The following SEC63 variants were observed in gnomAD, a reference collection of about 807,000 sequenced individuals.
The protein encoded by SEC63 is SEC63 protein translocation regulator.
In SEC63, 56 loss-of-function variants were observed where a neutral mutation model predicts 116.2. The ratio of observed to expected loss-of-function variants is 0.48; its 90% confidence interval spans 0.39 to 0.60. The LOEUF is 0.60. SEC63 is among the 20% of genes least tolerant of loss of function. SEC63 has a pLI of 0.00. For synonymous variants in SEC63, 273 were observed against 294.6 expected, an observed-to-expected ratio of 0.93 and a Z score of 0.75; for missense variants, 668 against 900.0, an observed-to-expected ratio of 0.74 and a Z score of 3.30.
At chr6:107,913,474 A>C in intron 4 of SEC63, 47 bp from the exon 5 acceptor site, 1 of 1,353,522 alleles carries the variant, frequency 7.4e-7, no homozygotes, top group South Asian at 1.2e-5. Flanking sequence ...CCACATCTGA[A>C]AAACAAGTAC....
chr6:107,911,018 G>A, intron 7 of SEC63: 1 of 261,282 alleles, frequency 3.8e-6, no homozygotes, highest in South Asian at 5.2e-5. Context: ...GTCAGTTGTG[G>A]GTAATTTTTG....
chr6:107,884,114 C>A (rs1182695746), intron 16 of SEC63, among the ~76,000 whole-genome samples: 4 of 150,798 alleles, frequency 2.7e-5, no homozygotes, highest in East Asian at 2.0e-4. Flanking sequence ...AACAAACAAA[C>A]AAAAAAATAG....
At chr6:107,932,390 A>AG (rs1279825259) in intron 1 of SEC63, 2 of 152,236 alleles carry the variant, frequency 1.3e-5, no homozygotes, top group Non-Finnish European at 2.9e-5. Context: ...CCAGGTAAGA[A>AG]GTCCAACTAC....
chr6:107,936,545 T>A (rs368027294), intron 1 of SEC63, among the ~76,000 whole-genome samples: 1 of 152,220 alleles, frequency 6.6e-6, no homozygotes, highest in Admixed American at 6.5e-5. Context: ...TAACTTGTAT[T>A]TTTTTAAAGA....
At chr6:107,924,000 C>T (rs1787614057) in intron 3 of SEC63, among the ~76,000 whole-genome samples, 1 of 152,194 alleles carries the variant, frequency 6.6e-6, no homozygotes, top group African/African-American at 2.4e-5. Flanking sequence ...CACGGTGGCT[C>T]ACGCCTGTAA....
chr6:107,903,006 A>T lies in SEC63; in HGVS notation c.1055-8T>A. 1 of 1,614,018 alleles carries T rather than the reference A, an allele frequency of 6.2e-7. No individual in the cohort carries two copies. The highest frequency in any genetic ancestry group is 1.3e-5 in the African/African-American group (1 of 75,032). ...GAGCACGAAACTCCCTTTCTTAGAAAGAACAGGAAAAAAAGAAACAGGGCT... is the reference window on the plus strand; with the variant it reads ...GAGCACGAAACTCCCTTTCTTAGAATGAACAGGAAAAAAAGAAACAGGGCT... On this transcript the variant is annotated splice_region_variant and splice_polypyrimidine_tract_variant and intron_variant, in intron 11 of 20. Coordinates refer to ENST00000369002, the MANE Select transcript of SEC63 (RefSeq NM_007214.5).
chr6:107,879,838 C>A (rs1390396225), intron 18 of SEC63, among the ~76,000 whole-genome samples: 1 of 150,590 alleles, frequency 6.6e-6, no homozygotes, highest in African/African-American at 2.4e-5. Flanking sequence ...GATCCTCCAA[C>A]CTCAGCTTCC....
chr6:107,875,337 G>C (rs947151687), intron 19 of SEC63, among the ~76,000 whole-genome samples: 1 of 152,178 alleles, frequency 6.6e-6, no homozygotes, highest in African/African-American at 2.4e-5. Flanking sequence ...TGGTGAATAC[G>C]GGTGGGGATC....
At chr6:107,957,785 C>G in intron 1 of SEC63, 101 bp downstream of exon 1, 5 of 1,263,576 alleles carry the variant, frequency 4.0e-6, no homozygotes, top group Non-Finnish European at 5.0e-6. Context: ...TCCCTGTCAT[C>G]CCGGACGCCG....
chr6:107,938,888 G>A (rs150198475), intron 1 of SEC63, among the ~76,000 whole-genome samples: 103 of 152,236 alleles, frequency 6.8e-4, no homozygotes, highest in African/African-American at 2.4e-3. Context: ...TTATAATACC[G>A]AAATATGCTT....
intron 11 of SEC63, among the ~76,000 whole-genome samples, chr6:107,903,697 A>T (rs1226575659): frequency 6.6e-6 from 1 of 152,158 alleles, no homozygotes; most frequent in Admixed American, 6.5e-5. Context: ...TGCTGTCTAT[A>T]ATTAATTAAT....
At chr6:107,913,182 A>G (rs1244915911) in intron 5 of SEC63, among the ~76,000 whole-genome samples, 184 bp downstream of exon 5, 2 of 152,212 alleles carry the variant, frequency 1.3e-5, no homozygotes, top group African/African-American at 4.8e-5. Context: ...AACTTAAATT[A>G]TATCTTTCAA....
intron 14 of SEC63, among the ~76,000 whole-genome samples, chr6:107,896,431 A>G (rs1288556334): frequency 6.6e-6 from 1 of 152,188 alleles, no homozygotes; most frequent in Non-Finnish European, 1.5e-5. Flanking sequence ...GCACCACTGC[A>G]TTCCAGCCTG....
chr6:107,876,064 C>CA (rs939425274), intron 19 of SEC63, among the ~76,000 whole-genome samples: 14 of 152,010 alleles, frequency 9.2e-5, no homozygotes, highest in African/African-American at 3.4e-4. Flanking sequence ...AACACACACA[C>CA]AAAAAAAACA....
At chr6:107,908,384 G>C (rs113769167) in intron 8 of SEC63, among the ~76,000 whole-genome samples, 10 of 152,140 alleles carry the variant, frequency 6.6e-5, no homozygotes, top group African/African-American at 2.4e-4. Flanking sequence ...AAATACTCTA[G>C]CACTAGTTTT....
intron 1 of SEC63, among the ~76,000 whole-genome samples, chr6:107,937,492 T>C (rs181205522): frequency 6.6e-6 from 1 of 152,200 alleles, no homozygotes; most frequent in Non-Finnish European, 1.5e-5. Flanking sequence ...TTTGCTATTG[T>C]GAGCAGTGCT....
rs574518563 is a variant in SEC63 at position 107,954,151 on chromosome 6, T to C, written c.124+3735A>G. On this transcript the variant is annotated intron_variant, in intron 1 of 20. Transcript: ENST00000369002. ...AAATTCTTCTGCCTTGGGATCCTGT[T>C]GATCGGTGACCCTACCCCCAACCCT... Among the ~76,000 whole-genome samples the C allele has an allele frequency of 3.9e-5, 6 of 152,328 alleles. No homozygotes were observed. In the South Asian group the frequency reaches 1.2e-3, roughly 32 times the overall value.
At chr6:107,933,769 T>G (rs4945799) in intron 1 of SEC63, among the ~76,000 whole-genome samples, 131,434 of 150,860 alleles carry the variant, frequency 0.87, 57,423 homozygotes, top group Middle Eastern at 0.92. Context: ...CTCTGATGTC[T>G]AGCCGAAGCT....
intron 16 of SEC63, among the ~76,000 whole-genome samples, chr6:107,893,053 C>T (rs566933039): frequency 5.6e-4 from 84 of 151,036 alleles, no homozygotes; most frequent in African/African-American, 1.8e-3. Flanking sequence ...ACAATCCAAA[C>T]GTCGAACCAC....
Sources: allele counts gnomAD v4.1 joint callset (sites outside exome capture counted in the v4.1 genomes callset), GRCh38; gene constraint gnomAD v4.1.1; transcripts MANE v1.5; gene names NCBI Gene and HGNC (gene_info 2026-07-23, HGNC 2026-07-21).